CDK5RAP2: variants seen among roughly 807,000 people sequenced by gnomAD.
CDK5RAP2 encodes CDK5 regulatory subunit-associated protein 2.
CDK5RAP2 carries 147 observed loss-of-function variants against 232.9 expected under a neutral mutation model. That is an observed-to-expected ratio of 0.63 (90% CI 0.55 to 0.72). CDK5RAP2 has a LOEUF of 0.72. CDK5RAP2 is among the 30% of genes least tolerant of loss of function. The pLI is 0.00. For missense variants in CDK5RAP2, 2,195 were observed against 2,231.5 expected, an observed-to-expected ratio of 0.98 and a Z score of 0.33; for synonymous variants, 833 against 833.7, an observed-to-expected ratio of 1.00 and a Z score of 0.01.
rs995076175 is a variant in CDK5RAP2, at chr9:120,534,607, A to G, written c.662+1765T>C. On this transcript the variant is annotated intron_variant, in intron 7 of 37. Transcript: ENST00000349780. The stretch of plus-strand genomic sequence containing the variant: ...GTGATATTTTTTGAATAAAAGGCAT[A>G]AAGATCCAATAGAACCAATTAACTG... 1.4e-4 allele frequency among the ~76,000 whole-genome samples: 21 copies of G among 152,204 alleles called. 2 individuals are homozygous for G.
At chr9:120,499,206 T>A (rs2039460829) in intron 12 of CDK5RAP2, among the ~76,000 whole-genome samples, 1 of 152,324 alleles carries the variant, frequency 6.6e-6, no homozygotes, top group South Asian at 2.1e-4. Flanking sequence ...GATAAAGTAG[T>A]ATGTCTGGGA....
intron 25 of CDK5RAP2, among the ~76,000 whole-genome samples, chr9:120,436,510 T>C (rs1186918417): frequency 1.3e-5 from 2 of 152,218 alleles, no homozygotes; most frequent in Non-Finnish European, 2.9e-5. Context: ...TAGATAATAG[T>C]ATATTAGACA....
rs762160255 is a variant in CDK5RAP2 at position 120,529,984 on chromosome 9, T to C, written c.819A>G (p.Glu273=). 3 of 1,613,804 alleles carry C rather than the reference T, an allele frequency of 1.9e-6. No homozygotes were observed. The highest frequency in any genetic ancestry group is 3.3e-5 in the Admixed American group (2 of 60,004). ...CAAPREEKER[E]TEAAQMEHQK... ...TCATGTCCTGTCACCTCACCTCAGT[T>C]TCTCTCTCCTTTTCTTCCCTTGGAG... Residue 273 remains glutamate, a synonymous_variant, in exon 8 of 38, where the codon GAA becomes GAG. Coordinates refer to ENST00000349780, the MANE Select transcript of CDK5RAP2 (RefSeq NM_018249.6).
At chr9:120,514,493 GTTC>G (rs1391520521) in intron 12 of CDK5RAP2, among the ~76,000 whole-genome samples, 2 of 152,182 alleles carry the variant, frequency 1.3e-5, no homozygotes, top group African/African-American at 2.4e-5. Context: ...AAGTGTGGGA[GTTC>G]TTCTTCCTCT....
chr9:120,415,011 T>C, intron 28 of CDK5RAP2, 29 bp downstream of exon 28: 8 of 1,613,442 alleles, frequency 5.0e-6, no homozygotes, highest in Non-Finnish European at 6.8e-6. Flanking sequence ...CACAGACATG[T>C]ACAGTCCTCC....
intron 11 of CDK5RAP2, among the ~76,000 whole-genome samples, 163 bp downstream of exon 11, chr9:120,524,823 T>C (rs1189253728): frequency 6.6e-6 from 1 of 152,110 alleles, no homozygotes; most frequent in Non-Finnish European, 1.5e-5. Context: ...AGCTCCCAAA[T>C]CTGGTAGAGA....
chr9:120,576,796 G>A (rs2043049359), intron 1 of CDK5RAP2, among the ~76,000 whole-genome samples: 1 of 152,080 alleles, frequency 6.6e-6, no homozygotes, highest in Admixed American at 6.6e-5. Flanking sequence ...TCAGTGAAGG[G>A]CAGGCACAGT....
rs753295890 is a variant in CDK5RAP2, at chr9:120,400,833, T to G, written c.5360A>C (p.Lys1787Thr). Residue 1787 changes from lysine to threonine, a missense_variant, in exon 35 of 38, where the codon AAG (lysine) becomes ACG (threonine). Lys to Thr is a moderately conservative substitution (Grantham distance 78, BLOSUM62 -1). Coordinates refer to ENST00000349780, the MANE Select transcript of CDK5RAP2 (RefSeq NM_018249.6). ...CCTGTAGGCCTCTTCCAGGGTCAGC[T>G]TGGCCGTGCTCACACTGCTCACAAA... ...SKFVSSVSTA[K>T]LTLEEAYRRL... 1.2e-6 allele frequency: 2 copies of G among 1,614,186 alleles called. No homozygotes were observed. The highest frequency in any genetic ancestry group is 1.3e-5 in the African/African-American group (1 of 75,052).
intron 5 of CDK5RAP2, among the ~76,000 whole-genome samples, chr9:120,539,548 C>T (rs2041539699): frequency 6.6e-6 from 1 of 152,152 alleles, no homozygotes; most frequent in Non-Finnish European, 1.5e-5. Context: ...ATGAAATGTA[C>T]TATAGTTTAC....
rs1444410561 is a variant in CDK5RAP2 at position 120,453,437 on chromosome 9, A to G, written c.2793+19T>C. The G allele has an allele frequency of 6.3e-7, 1 of 1,595,726 alleles. No homozygotes were observed. The highest frequency in any genetic ancestry group is 1.3e-5 in the African/African-American group (1 of 74,616). The stretch of plus-strand genomic sequence containing the variant: ...GTTTGGATAAAGTAAGTACATAATT[A>G]TTACATGGAAAAACTTACTCTGTTG... On this transcript the variant is annotated intron_variant, in intron 21 of 37. Coordinates refer to ENST00000349780, the MANE Select transcript of CDK5RAP2 (RefSeq NM_018249.6).
intron 25 of CDK5RAP2, among the ~76,000 whole-genome samples, chr9:120,425,978 C>A (rs1272245926): frequency 6.6e-6 from 1 of 152,206 alleles, no homozygotes; most frequent in Non-Finnish European, 1.5e-5. Context: ...CAAACAGAAT[C>A]TGGCCTGGAC....
chr9:120,416,036 A>G (rs1438927048), intron 27 of CDK5RAP2, among the ~76,000 whole-genome samples: 4 of 152,214 alleles, frequency 2.6e-5, no homozygotes, highest in Admixed American at 2.0e-4. Context: ...ATAGAAAAAA[A>G]AAATTCAGTT....
At chr9:120,496,886 G>A (rs1183076396) in intron 12 of CDK5RAP2, among the ~76,000 whole-genome samples, 4 of 141,478 alleles carry the variant, frequency 2.8e-5, no homozygotes, top group Non-Finnish European at 4.5e-5. Context: ...CCCTCTGCCC[G>A]GCCACCACCC....
chr9:120,439,586 A>G lies in CDK5RAP2; in HGVS notation c.3535T>C (p.Tyr1179His). ...MTFSSLHQVR[Y>H]VKHVKILGPL... Reference sequence around the variant, plus strand: ...CCGAGGATTTTCACGTGTTTCACGTATCGCACTTGGTGCAAACTTGAAAAG... The same window carrying G: ...CCGAGGATTTTCACGTGTTTCACGTGTCGCACTTGGTGCAAACTTGAAAAG... Residue 1179 changes from tyrosine to histidine, a missense_variant, in exon 24 of 38, where the codon TAC (tyrosine) becomes CAC (histidine). By Grantham distance (83) the Tyr-to-His change is moderately conservative (BLOSUM62 2). Coordinates refer to ENST00000349780, the MANE Select transcript of CDK5RAP2 (RefSeq NM_018249.6). 6.2e-7 allele frequency: 1 copy of G among 1,614,230 alleles called. No individual in the cohort carries two copies. The highest frequency in any genetic ancestry group is 1.1e-5 in the South Asian group (1 of 91,092).
intron 36 of CDK5RAP2, chr9:120,390,105 T>C (rs1588205761): frequency 1.8e-5 from 6 of 335,096 alleles, no homozygotes; most frequent in Admixed American, 3.7e-5. Flanking sequence ...GCTGTCCAGG[T>C]ATCCCTCAGG....
rs1312128419 is a variant in CDK5RAP2 at position 120,518,539 on chromosome 9, C to T, written c.1199G>A (p.Ser400Asn). ...CAGCTCCTGGGTGATCTTCTTAATG[C>T]TTCTACGCAGTCTGTGGTTCTCTGT... ...KSTENHRLRR[S>N]IKKITQELSD... is the part of the protein sequence containing the mutation. Residue 400 changes from serine (S) to asparagine (N), a missense_variant, in exon 12 of 38, where the codon AGC becomes AAC. Ser to Asn is a conservative substitution (Grantham distance 46). Transcript: ENST00000349780. 1 of 1,613,764 alleles carries T rather than the reference C, an allele frequency of 6.2e-7. No homozygotes were observed. Among genetic ancestry groups the T allele is most frequent in the Non-Finnish European group, 8.5e-7 (1 of 1,179,980 alleles).
chr9:120,551,190 AAAG>A (rs1302901972), intron 3 of CDK5RAP2, among the ~76,000 whole-genome samples: 7 of 152,236 alleles, frequency 4.6e-5, no homozygotes, highest in Non-Finnish European at 8.8e-5. Flanking sequence ...AAGAAAAGGA[AAAG>A]AAGAATTTCT....
intron 13 of CDK5RAP2, among the ~76,000 whole-genome samples, chr9:120,489,683 C>A (rs894833990): frequency 1.3e-5 from 2 of 152,116 alleles, no homozygotes; most frequent in Non-Finnish European, 2.9e-5. Context: ...TTTGTCAGAG[C>A]CTTATCCAAA....
chr9:120,396,916 G>A (rs887685001), intron 35 of CDK5RAP2, among the ~76,000 whole-genome samples: 3 of 152,208 alleles, frequency 2.0e-5, no homozygotes, highest in East Asian at 1.9e-4. Context: ...GCTATATGAC[G>A]CTGAAGCAAG....
Sources: allele counts gnomAD v4.1 joint callset (sites outside exome capture counted in the v4.1 genomes callset), GRCh38; gene constraint gnomAD v4.1.1; transcripts MANE v1.5; gene names NCBI Gene and HGNC (gene_info 2026-07-23, HGNC 2026-07-21).